The following TUSC3 variants were observed in gnomAD, a reference collection of about 807,000 sequenced individuals.
TUSC3 encodes tumor suppressor candidate 3, also known as dolichyl-diphosphooligosaccharide--protein glycosyltransferase subunit TUSC3.
A neutral mutation model predicts 44.8 loss-of-function variants in TUSC3; 45 were observed. The observed-to-expected ratio is 1.00, with a 90% CI of 0.79 to 1.29. The LOEUF is 1.29. Ranked by LOEUF, TUSC3 falls within the 50% of genes most tolerant of loss-of-function variation. The pLI, the probability that TUSC3 is intolerant of heterozygous loss-of-function variation, is 0.00. For missense variants in TUSC3, 519 were observed against 437.9 expected (o/e 1.19, Z -1.65); for synonymous variants, 212 against 152.9 (o/e 1.39, Z -2.85).
At chr8:15,496,074 C>G (rs1475788803) in intron 2 of TUSC3, among the ~76,000 whole-genome samples, 1 of 152,142 alleles carries the variant, frequency 6.6e-6, no homozygotes, top group Non-Finnish European at 1.5e-5. Context: ...CTAATAGACT[C>G]AACTTTGTCC....
chr8:15,733,483 C>A (rs1810806926), intron 7 of TUSC3: 2 of 324,572 alleles, frequency 6.2e-6, no homozygotes, highest in Non-Finnish European at 1.2e-5. Flanking sequence ...GTGTTGAGAT[C>A]ATCCTTTTAT....
chr8:15,729,291 GT>G (rs1249207474), intron 6 of TUSC3, among the ~76,000 whole-genome samples: 22 of 152,238 alleles, frequency 1.4e-4, no homozygotes, highest in African/African-American at 5.1e-4. Flanking sequence ...TTCCTCCTCT[GT>G]TTTGGTAAGT....
intron 1 of TUSC3, among the ~76,000 whole-genome samples, chr8:15,424,420 G>T (rs1282935560): frequency 1.3e-5 from 2 of 152,000 alleles, no homozygotes; most frequent in Non-Finnish European, 2.9e-5. Context: ...TCTAGAGGGA[G>T]GGAGGAAAAA....
intron 6 of TUSC3, among the ~76,000 whole-genome samples, chr8:15,687,224 G>A (rs1169977860): frequency 6.6e-6 from 1 of 152,042 alleles, no homozygotes; most frequent in Non-Finnish European, 1.5e-5. Context: ...ATATTTGTTA[G>A]GTACTCTGTT....
chr8:15,729,264 C>T (rs549021866), intron 6 of TUSC3, among the ~76,000 whole-genome samples: 1 of 152,214 alleles, frequency 6.6e-6, no homozygotes, highest in South Asian at 2.1e-4. Flanking sequence ...AAAGTTTTTA[C>T]AAAGTTTTAC....
At chr8:15,449,822 C>G (rs952007390) in intron 1 of TUSC3, among the ~76,000 whole-genome samples, 1 of 152,058 alleles carries the variant, frequency 6.6e-6, no homozygotes, top group Admixed American at 6.5e-5. Context: ...TGTAGGTGAC[C>G]GTTTTTTTAA....
chr8:15,763,513 A>C (rs922212290), intron 10 of TUSC3, among the ~76,000 whole-genome samples: 2 of 151,952 alleles, frequency 1.3e-5, no homozygotes, highest in African/African-American at 4.8e-5. Flanking sequence ...TTGTGTTGTC[A>C]AGACTCAAAA....
rs1048249727 is a variant in TUSC3 at position 15,512,491 on chromosome 8, G to A, written n.189+29008G>A. 3.3e-5 allele frequency among the ~76,000 whole-genome samples: 5 copies of A among 152,026 alleles called. No homozygotes were observed. The East Asian group carries it at 5.8e-4, about 18-fold the overall frequency. ...ATTCTTTAACAATAAATGTTTCTCT[G>A]GCTGGGCACGGTGGCTCACACCTGT... On this transcript the variant is annotated intron_variant and non_coding_transcript_variant, in intron 2 of 5. Coordinates refer to the TUSC3 transcript ENST00000503191.
intron 3 of TUSC3, among the ~76,000 whole-genome samples, chr8:15,657,172 C>A (rs1220865318): frequency 1.3e-5 from 2 of 152,206 alleles, no homozygotes; most frequent in African/African-American, 4.8e-5. Flanking sequence ...CCTTAGGCCA[C>A]ATTCTTCATA....
intron 1 of TUSC3, among the ~76,000 whole-genome samples, chr8:15,554,796 G>A (rs1343923592): frequency 2.6e-4 from 39 of 150,248 alleles, no homozygotes; most frequent in East Asian, 4.0e-4. Context: ...TAGTAGAGAC[G>A]GGGTTTCACC....
chr8:15,756,650 T>A (rs916381576), intron 9 of TUSC3, among the ~76,000 whole-genome samples: 19 of 152,216 alleles, frequency 1.2e-4, no homozygotes, highest in Non-Finnish European at 5.9e-5. Context: ...TCTGTTTACT[T>A]GAAAATTTTA....
At chr8:15,688,007 A>G (rs1457570093) in intron 6 of TUSC3, among the ~76,000 whole-genome samples, 1 of 152,186 alleles carries the variant, frequency 6.6e-6, no homozygotes, top group Non-Finnish European at 1.5e-5. Flanking sequence ...ACATCAGAGG[A>G]GAAAGGATAA....
At chr8:15,663,459 G>A (rs964160095) in intron 5 of TUSC3, among the ~76,000 whole-genome samples, 1 of 151,684 alleles carries the variant, frequency 6.6e-6, no homozygotes, top group Non-Finnish European at 1.5e-5. Context: ...AAAATTAGGG[G>A]TCTTGATGAC....
chr8:15,443,699 G>T (rs970695868), intron 1 of TUSC3, among the ~76,000 whole-genome samples: 2 of 152,054 alleles, frequency 1.3e-5, no homozygotes, highest in Admixed American at 6.5e-5. Context: ...GCCTTTGTAG[G>T]ACTAACAAAC....
At position 15,591,450 on chromosome 8, in the gene TUSC3, C is replaced by T. The variant is rs536702963; in HGVS notation, c.139-31630C>T. Among the ~76,000 whole-genome samples, 6 of 152,194 alleles carry T rather than the reference C, an allele frequency of 3.9e-5. No individual in the cohort carries two copies. In the East Asian group the frequency reaches 1.2e-3, roughly 29 times the overall value. ...AAATATCTGTTGGGTAGTTACTATG[C>T]AACAGGCAATGTACAAAACTCTGGA... is the stretch of plus-strand genomic sequence containing the variant. On this transcript the variant is annotated intron_variant, in intron 1 of 10. Transcript: ENST00000503731.
chr8:15,675,761 A>G (rs1396732708), intron 6 of TUSC3, among the ~76,000 whole-genome samples: 1 of 152,180 alleles, frequency 6.6e-6, no homozygotes, highest in Non-Finnish European at 1.5e-5. Context: ...GCTGCAAAGG[A>G]CATGAGTTCA....
At chr8:15,801,057 G>T in the TUSC3 span, among the ~76,000 whole-genome samples, 1 of 152,164 alleles carries the variant, frequency 6.6e-6, no homozygotes. Context: ...AGAATTCAGG[G>T]TGAGTTTGTA....
chr8:15,677,909 A>G (rs1465450838), intron 6 of TUSC3, among the ~76,000 whole-genome samples: 4 of 152,232 alleles, frequency 2.6e-5, no homozygotes, highest in Admixed American at 1.3e-4. Flanking sequence ...TTAAAAGTTG[A>G]AAACACACGT....
At chr8:15,704,003 A>T (rs1228629802) in intron 6 of TUSC3, among the ~76,000 whole-genome samples, 2 of 152,134 alleles carry the variant, frequency 1.3e-5, no homozygotes, top group Non-Finnish European at 2.9e-5. Context: ...TAACCTCAAA[A>T]AGCTTTTATT....
Sources: allele counts gnomAD v4.1 joint callset (sites outside exome capture counted in the v4.1 genomes callset), GRCh38; gene constraint gnomAD v4.1.1; transcripts MANE v1.5; gene names NCBI Gene and HGNC (gene_info 2026-07-23, HGNC 2026-07-21).